CCND3: variants seen among roughly 807,000 people sequenced by gnomAD.
The protein encoded by CCND3 is G1/S-specific cyclin-D3.
A neutral mutation model predicts 28.7 loss-of-function variants in CCND3; 9 were observed. The ratio of observed to expected loss-of-function variants is 0.31; its 90% CI spans 0.19 to 0.55. The LOEUF (loss-of-function observed/expected upper bound fraction) is 0.55, where lower values mean the gene tolerates loss of function less well. Ranked by LOEUF, CCND3 falls within the 20% of genes least tolerant of loss-of-function variation. CCND3 has a pLI of 0.93. For synonymous variants in CCND3, 164 were observed against 163.9 expected, an observed-to-expected ratio of 1.00 and a Z score of 0.00; for missense variants, 315 against 385.8, an observed-to-expected ratio of 0.82 and a Z score of 1.54.
chr6:42,022,439 A>G (rs893996976), intron 1 of CCND3, among the ~76,000 whole-genome samples: 3 of 152,246 alleles, frequency 2.0e-5, no homozygotes, highest in Admixed American at 2.0e-4. Context: ...TAAATGGAAA[A>G]TAAAACAAAC....
At position 41,985,576 on chromosome 6, in the gene CCND3, G is replaced by A. The variant is rs1421883748; in HGVS notation, c.-45-44991C>T. On this transcript the variant is annotated intron_variant, in intron 1 of 4. Coordinates refer to the CCND3 transcript ENST00000372988. Reference sequence around the variant, plus strand: ...GTAATCCACCCGCCTCGGCCTCCCAGAGTGCTGGGATTACAGGCGTGAGCC... The same window carrying A: ...GTAATCCACCCGCCTCGGCCTCCCAAAGTGCTGGGATTACAGGCGTGAGCC... Among the ~76,000 whole-genome samples, 314 of 148,670 alleles carry A rather than the reference G, an allele frequency of 2.1e-3. 4 individuals carry two copies. Among genetic ancestry groups the A allele is most frequent in the Non-Finnish European group, 3.8e-3 (251 of 66,718 alleles).
In CCND3 at chr6:42,018,673, C is replaced by T. The variant is rs148619652; in HGVS notation, c.-46+29828G>A. ...TTGGGAGGCTGAGGCAGGCAGATCA[C>T]CTGAGGTCGGGAGTTCGAGACCAGC... On this transcript the variant is annotated intron_variant, in intron 1 of 4. Transcript: ENST00000372988. 5.7e-3 allele frequency among the ~76,000 whole-genome samples: 870 copies of T among 152,126 alleles called. 7 individuals are homozygous for T. The highest frequency in any genetic ancestry group is 0.02 in the African/African-American group (824 of 41,510).
At chr6:41,981,096 A>C (rs911533005) in intron 1 of CCND3, among the ~76,000 whole-genome samples, 1 of 148,478 alleles carries the variant, frequency 6.7e-6, no homozygotes, top group Non-Finnish European at 1.5e-5. Flanking sequence ...CTTTGTTTGA[A>C]GATAAAATTA....
chr6:42,025,339 GA>G (rs1763844442), intron 1 of CCND3, among the ~76,000 whole-genome samples: 2 of 152,322 alleles, frequency 1.3e-5, no homozygotes, highest in South Asian at 2.1e-4. Context: ...TGTCTCCACA[GA>G]GATTTCCAAT....
At chr6:42,020,053 C>G (rs975024116) in intron 1 of CCND3, among the ~76,000 whole-genome samples, 1 of 151,990 alleles carries the variant, frequency 6.6e-6, no homozygotes, top group African/African-American at 2.4e-5. Flanking sequence ...CCGAGGCGGG[C>G]GGATCACAAG....
Position 41,941,385 on chromosome 6 carries a change from C to A in CCND3, c.198+67G>T. 1 of 1,573,040 alleles carries A rather than the reference C, an allele frequency of 6.4e-7. No individual in the cohort carries two copies. The highest frequency in any genetic ancestry group is 2.3e-5 in the East Asian group (1 of 42,648). The stretch of plus-strand genomic sequence containing the variant: ...GATTGCTGTGGGGACCGGGATGTCC[C>A]GACAGGGCGGCCCCGGTGTGTCCAG... On this transcript the variant is annotated intron_variant, in intron 1 of 4. Transcript: ENST00000372991. This position sits in a 1 kb window ranked among gnomAD's most constrained non-coding sequence, Gnocchi z 6.1.
chr6:41,964,501 T>TGTGTGTGTGTGA (rs1761827644), intron 1 of CCND3, among the ~76,000 whole-genome samples: 1 of 74,564 alleles, frequency 1.3e-5, no homozygotes, highest in Non-Finnish European at 3.1e-5. Flanking sequence ...TGTGTGTGAG[T>TGTGTGTGTGTGA]GTGTGTGTGT....
intron 1 of CCND3, among the ~76,000 whole-genome samples, chr6:42,008,109 G>A (rs1667419664): frequency 1.3e-5 from 2 of 152,046 alleles, no homozygotes; most frequent in Non-Finnish European, 2.9e-5. Flanking sequence ...GGCTAGGCGC[G>A]GTGGCTCACA....
intron 1 of CCND3, among the ~76,000 whole-genome samples, chr6:42,021,455 C>A (rs1486118468): frequency 1.3e-5 from 2 of 152,196 alleles, no homozygotes. Context: ...ACAGAGCAGT[C>A]ATCCTTCACA....
intron 1 of CCND3, among the ~76,000 whole-genome samples, chr6:41,994,553 C>T (rs1184747517): frequency 6.6e-6 from 1 of 152,082 alleles, no homozygotes; most frequent in East Asian, 1.9e-4. Context: ...GGATACATGT[C>T]ATATGTTTGT....
At chr6:41,937,015 TTC>T (rs1775823991) in intron 3 of CCND3, 2 of 611,670 alleles carry the variant, frequency 3.3e-6, no homozygotes, top group South Asian at 2.0e-5. Context: ...GGCAAGTCAC[TTC>T]TCTCTATACC....
intron 1 of CCND3, among the ~76,000 whole-genome samples, chr6:41,996,036 G>T (rs367658397): frequency 2.7e-5 from 4 of 149,790 alleles, no homozygotes; most frequent in Non-Finnish European, 5.9e-5. Context: ...ATAGGAAGAC[G>T]GTAGAGGATT....
At chr6:41,965,735 C>T (rs1582114706) in intron 1 of CCND3, among the ~76,000 whole-genome samples, 1 of 152,176 alleles carries the variant, frequency 6.6e-6, no homozygotes, top group Non-Finnish European at 1.5e-5. Flanking sequence ...AAGTATCAGA[C>T]TAACTGGCCC....
intron 1 of CCND3, among the ~76,000 whole-genome samples, chr6:42,015,789 T>G (rs1174556455): frequency 6.6e-6 from 1 of 152,114 alleles, no homozygotes; most frequent in African/African-American, 2.4e-5. Context: ...ATGTGATATT[T>G]TGAAATATAT....
chr6:41,954,552 A>G (rs1215391340), intron 1 of CCND3, among the ~76,000 whole-genome samples: 3 of 16,058 alleles, frequency 1.9e-4, no homozygotes, highest in African/African-American at 3.7e-4. Flanking sequence ...ACTCTGTCTC[A>G]AAAAAAAAAA....
intron 1 of CCND3, among the ~76,000 whole-genome samples, chr6:41,958,494 A>G (rs1234609199): frequency 1.3e-5 from 2 of 152,202 alleles, no homozygotes; most frequent in Admixed American, 6.5e-5. Flanking sequence ...ATCAAACACA[A>G]GATATACCTG....
At chr6:42,028,500 C>T (rs564222800) in intron 1 of CCND3, among the ~76,000 whole-genome samples, 21 of 152,326 alleles carry the variant, frequency 1.4e-4, no homozygotes, top group Non-Finnish European at 2.6e-4. Context: ...TCACCGTTGC[C>T]ACACTGTCGG....
At chr6:41,964,402 ATG>A (rs1167859797) in intron 1 of CCND3, among the ~76,000 whole-genome samples, 15 of 128,442 alleles carry the variant, frequency 1.2e-4, no homozygotes, top group African/African-American at 3.0e-4. Flanking sequence ...GCATGTGTGA[ATG>A]TGTGTGTCTG....
chr6:41,978,910 G>T (rs1762253255), intron 1 of CCND3, among the ~76,000 whole-genome samples: 1 of 152,102 alleles, frequency 6.6e-6, no homozygotes, highest in Non-Finnish European at 1.5e-5. Flanking sequence ...GGGTGGGGTG[G>T]CTCACGCCTT....
Sources: allele counts gnomAD v4.1 joint callset (sites outside exome capture counted in the v4.1 genomes callset), GRCh38; gene constraint gnomAD v4.1.1; non-coding constraint Gnocchi (gnomAD v3.1); transcripts MANE v1.5; gene names NCBI Gene and HGNC (gene_info 2026-07-23, HGNC 2026-07-21).